The following AGAP1 variants were observed in gnomAD, a reference collection of about 807,000 sequenced individuals.
AGAP1 encodes the protein arf-GAP with GTPase, ANK repeat and PH domain-containing protein 1.
In AGAP1, 29 loss-of-function variants were observed where a neutral mutation model predicts 105.3. The observed-to-expected ratio is 0.28, with a 90% confidence interval of 0.21 to 0.38. AGAP1 has a LOEUF of 0.38. Ranked by LOEUF, AGAP1 falls within the 10% of genes least tolerant of loss-of-function variation. The pLI, the probability that AGAP1 is intolerant of heterozygous loss-of-function variation, is 1.00. For synonymous variants in AGAP1, 509 were observed against 485.9 expected (o/e 1.05, Z -0.63); for missense variants, 998 against 1,165.1 (o/e 0.86, Z 2.09).
intron 15 of AGAP1, among the ~76,000 whole-genome samples, chr2:236,047,392 C>A (rs567965084): frequency 6.6e-6 from 1 of 151,992 alleles, no homozygotes; most frequent in Admixed American, 6.6e-5. Flanking sequence ...CCTCCACCCT[C>A]CACAGCCCCA....
chr2:235,626,933 A>G (rs1211552372), intron 1 of AGAP1, among the ~76,000 whole-genome samples: 1 of 152,228 alleles, frequency 6.6e-6, no homozygotes, highest in Non-Finnish European at 1.5e-5. Flanking sequence ...AATATGTCCC[A>G]TTAAGGACTT....
At chr2:235,651,558 A>G (rs1460386969) in intron 1 of AGAP1, among the ~76,000 whole-genome samples, 1 of 152,234 alleles carries the variant, frequency 6.6e-6, no homozygotes, top group East Asian at 1.9e-4. Context: ...ACAAATCAGC[A>G]AAGACTAAAA....
rs528506903 is a variant in AGAP1, at chr2:236,128,114, A to T, written c.*3992A>T. The stretch of plus-strand genomic sequence containing the variant: ...GTAGAGCCCAGGACCCTCCTCTCTC[A>T]GCTTGCCAGTGCCCTGCCCTCCACA... On this transcript the variant is annotated 3_prime_UTR_variant, in exon 18 of 18. Transcript: ENST00000304032. The surrounding 1 kb of genome is among the most constrained non-coding windows in gnomAD (Gnocchi z 5.9). 1.3e-5 allele frequency: 2 copies of T among 149,960 alleles called. No individual in the cohort carries two copies. Among genetic ancestry groups the T allele is most frequent in the Admixed American group, 1.3e-4 (2 of 15,068 alleles). 9.3% of individuals were successfully genotyped at this position (149,960 alleles called of 1,614,324 possible).
chr2:236,118,133 C>T (rs558689519), intron 16 of AGAP1, among the ~76,000 whole-genome samples: 4 of 152,250 alleles, frequency 2.6e-5, no homozygotes, highest in South Asian at 4.2e-4. Context: ...AATGTAAACA[C>T]GGGTAAAAGG....
At chr2:235,857,497 C>T (rs2048736682) in intron 9 of AGAP1, among the ~76,000 whole-genome samples, 1 of 152,192 alleles carries the variant, frequency 6.6e-6, no homozygotes, top group South Asian at 2.1e-4. Flanking sequence ...TCCCGTTGCT[C>T]ACAGTGTGTG....
rs1951574450 is a variant in AGAP1, at chr2:235,724,968, A to G, written c.310+7324A>G. On this transcript the variant is annotated intron_variant, in intron 3 of 17. Coordinates refer to ENST00000304032, the MANE Select transcript of AGAP1 (RefSeq NM_001037131.3). The surrounding 1 kb of genome is among the most constrained non-coding windows in gnomAD (Gnocchi z 4.9). The stretch of plus-strand genomic sequence containing the variant: ...AAGGCTTGGAGGTTCTGTAGGAAGG[A>G]ATGAGCCGCTTCACCTCCTGGAGAA... 6.6e-6 allele frequency among the ~76,000 whole-genome samples: 1 copy of G among 152,172 alleles called. No homozygotes were observed. Among genetic ancestry groups the G allele is most frequent in the South Asian group, 2.1e-4 (1 of 4,826 alleles).
At chr2:235,884,160 T>C (rs2050158617) in intron 10 of AGAP1, among the ~76,000 whole-genome samples, 1 of 152,170 alleles carries the variant, frequency 6.6e-6, no homozygotes, top group Admixed American at 6.5e-5. Flanking sequence ...CAGAGAAATG[T>C]GTAGATTAGA....
intron 1 of AGAP1, among the ~76,000 whole-genome samples, chr2:235,536,142 T>TACAC (rs58090095): frequency 0.044 from 715 of 16,400 alleles, 100 homozygotes; most frequent in Non-Finnish European, 0.047. Flanking sequence ...TGTGGCATCC[T>TACAC]ACACACACAC....
chr2:235,876,856 T>C lies in AGAP1; in HGVS notation c.1051-6489T>C, dbSNP rs564802454. Among the ~76,000 whole-genome samples, 756 of 151,408 alleles carry C rather than the reference T, an allele frequency of 5.0e-3. 4 individuals carry two copies. The highest frequency in any genetic ancestry group is 0.018 in the African/African-American group (735 of 41,250). On this transcript the variant is annotated intron_variant, in intron 9 of 17. Transcript: ENST00000304032. The stretch of plus-strand genomic sequence containing the variant: ...TGAGTGGTGTGGAACCTTTTTTTTT[T>C]TTTTTTTTGAGACAGAGTTTCACTC...
chr2:236,059,144 T>C (rs1368721017), intron 16 of AGAP1, among the ~76,000 whole-genome samples: 1 of 150,296 alleles, frequency 6.7e-6, no homozygotes, highest in African/African-American at 2.5e-5. Flanking sequence ...CTGGGCAAAA[T>C]AACAAGACCG....
At position 235,659,566 on chromosome 2, in the gene AGAP1, T is replaced by G. The variant is rs1947883050; in HGVS notation, c.164-49613T>G. ...CGTCAGTGCCCTGCTCGGGGTCCCT[T>G]TGCAGCTCCCCTGAACGTGCCATTT... is the stretch of plus-strand genomic sequence containing the variant. On this transcript the variant is annotated intron_variant, in intron 1 of 17. Coordinates refer to ENST00000304032, the MANE Select transcript of AGAP1 (RefSeq NM_001037131.3). This position sits in a 1 kb window ranked among gnomAD's most constrained non-coding sequence, Gnocchi z 5.0. Among the ~76,000 whole-genome samples the G allele has an allele frequency of 6.6e-6, 1 of 152,176 alleles. No homozygotes were observed. The highest frequency in any genetic ancestry group is 2.4e-5 in the African/African-American group (1 of 41,442).
In AGAP1 at chr2:235,971,576, G is replaced by A. The variant is rs2054643984; in HGVS notation, c.1645+2953G>A. ...TAGCTGGGCATGGTGGCAGGTCCCA[G>A]CTACTTGGGAGGCTGAGGCAGGAGA... On this transcript the variant is annotated intron_variant, in intron 13 of 17. Coordinates refer to ENST00000304032, the MANE Select transcript of AGAP1 (RefSeq NM_001037131.3). This position sits in a 1 kb window ranked among gnomAD's most constrained non-coding sequence, Gnocchi z 4.8. Among the ~76,000 whole-genome samples the A allele has an allele frequency of 6.6e-6, 1 of 151,910 alleles. No individual in the cohort carries two copies. The highest frequency in any genetic ancestry group is 1.5e-5 in the Non-Finnish European group (1 of 67,964).
chr2:236,023,142 C>G (rs533069613), intron 13 of AGAP1, among the ~76,000 whole-genome samples: 9 of 152,176 alleles, frequency 5.9e-5, no homozygotes, highest in Admixed American at 2.6e-4. Flanking sequence ...GAGTATATTC[C>G]GTCTGAGTTT....
At chr2:235,506,643 A>G (rs953473979) in intron 1 of AGAP1, among the ~76,000 whole-genome samples, 1 of 152,174 alleles carries the variant, frequency 6.6e-6, no homozygotes, top group African/African-American at 2.4e-5. Context: ...TGTTTTGAAA[A>G]TAGGATGCCA....
chr2:236,054,900 G>A lies in AGAP1; in HGVS notation c.2114+5619G>A, dbSNP rs557567896. 1.6e-3 allele frequency among the ~76,000 whole-genome samples: 244 copies of A among 150,350 alleles called. 1 individual carries two copies. Among genetic ancestry groups the A allele is most frequent in the African/African-American group, 5.8e-3 (237 of 41,092 alleles). The stretch of plus-strand genomic sequence containing the variant: ...CCCCCTCCCCGGCTGCCCTCCCCCA[G>A]CCCCAGCCTTTGTATCTCAAGCTCA... On this transcript the variant is annotated intron_variant, in intron 16 of 17. Coordinates refer to ENST00000304032, the MANE Select transcript of AGAP1 (RefSeq NM_001037131.3).
At chr2:235,699,940 G>A (rs1950173110) in intron 1 of AGAP1, among the ~76,000 whole-genome samples, 1 of 152,216 alleles carries the variant, frequency 6.6e-6, no homozygotes, top group Non-Finnish European at 1.5e-5. Context: ...GGGGACCTCG[G>A]TGTTGGGGGA....
At position 235,737,594 on chromosome 2, in the gene AGAP1, ACT is replaced by A. The variant is rs1952325129; in HGVS notation, c.311-3366_311-3365del. On this transcript the variant is annotated intron_variant, in intron 3 of 17. Coordinates refer to ENST00000304032, the MANE Select transcript of AGAP1 (RefSeq NM_001037131.3). This position sits in a 1 kb window ranked among gnomAD's most constrained non-coding sequence, Gnocchi z 4.5. ...CCTGGAAGCTTCACTTGTGAACGTGACTCTGCAAAAACATGTTAGAGGAAGCA... is the reference window on the plus strand; with the variant it reads ...CCTGGAAGCTTCACTTGTGAACGTGACTGCAAAAACATGTTAGAGGAAGCA... Among the ~76,000 whole-genome samples, 2 of 152,172 alleles carry A rather than the reference ACT, an allele frequency of 1.3e-5. No homozygotes were observed. Among genetic ancestry groups the A allele is most frequent in the Non-Finnish European group, 2.9e-5 (2 of 68,036 alleles).
At chr2:235,822,975 C>G (rs182237287) in intron 9 of AGAP1, among the ~76,000 whole-genome samples, 1 of 152,264 alleles carries the variant, frequency 6.6e-6, no homozygotes, top group Admixed American at 6.5e-5. Context: ...CTACTGTGAT[C>G]CAGGTGTGGC....
At chr2:235,798,902 T>C (rs893752658) in intron 7 of AGAP1, among the ~76,000 whole-genome samples, 1 of 151,584 alleles carries the variant, frequency 6.6e-6, no homozygotes, top group Non-Finnish European at 1.5e-5. Flanking sequence ...AAAGAATGTC[T>C]TCACTTGCTG....
Sources: gnomAD v4.1 joint callset for allele counts (sites outside exome capture counted in the v4.1 genomes callset) on GRCh38, gnomAD v4.1.1 for gene constraint, Gnocchi (gnomAD v3.1) non-coding constraint, MANE v1.5 for transcripts, NCBI Gene and HGNC (gene_info 2026-07-23, HGNC 2026-07-21) for gene names.